The following SP4 variants were observed in gnomAD, a reference collection of about 807,000 sequenced individuals.
The protein encoded by SP4 is transcription factor Sp4.
SP4 carries 19 observed loss-of-function variants against 72.8 expected under a neutral mutation model. The observed-to-expected ratio is 0.26, with a 90% confidence interval of 0.18 to 0.38. The LOEUF is 0.38. SP4 is among the 10% of genes least tolerant of loss of function. The pLI, the probability that SP4 is intolerant of heterozygous loss-of-function variation, is 1.00. For missense variants in SP4, 1,008 were observed against 926.3 expected (o/e 1.09, Z -1.14); for synonymous variants, 395 against 333.1 (o/e 1.19, Z -2.02).
rs781285357 is a variant in SP4 at position 21,430,694 on chromosome 7, T to C, written c.1529T>C (p.Ile510Thr). 2 of 1,614,220 alleles carry C rather than the reference T, an allele frequency of 1.2e-6. No homozygotes were observed. Among genetic ancestry groups the C allele is most frequent in the Non-Finnish European group, 1.7e-6 (2 of 1,180,042 alleles). The change falls in exon 3 of 6, where the codon ATT becomes ACT. Residue 510 changes from isoleucine to threonine, a missense_variant. Physicochemically the swap from Ile to Thr is moderately conservative, Grantham distance 89. Around this residue, in one of 3 missense-constraint regions of SP4, gnomAD observed 893 missense variants for 743.3 expected, o/e 1.20. Transcript: ENST00000222584. ...AGTGGTGGCACAACTCTTGCTCAGA[T>C]TGCTCCTGTGGCTGTTGCTGGTGCC... ...SSSGGTTLAQIAPVAVAGAPI... is the reference protein window; with the variant it reads ...SSSGGTTLAQTAPVAVAGAPI...
intron 3 of SP4, among the ~76,000 whole-genome samples, chr7:21,476,674 T>G (rs1226247412): frequency 1.3e-5 from 2 of 152,236 alleles, no homozygotes; most frequent in Non-Finnish European, 2.9e-5. Flanking sequence ...TGATAAGATA[T>G]GTTGCTTACC....
chr7:21,469,930 C>T (rs189571763), intron 3 of SP4, among the ~76,000 whole-genome samples: 1 of 151,998 alleles, frequency 6.6e-6, no homozygotes. Context: ...TAGCAAATGT[C>T]ATAGGAGAAA....
chr7:21,505,113 A>G (rs1043039360), intron 5 of SP4, among the ~76,000 whole-genome samples: 1 of 152,222 alleles, frequency 6.6e-6, no homozygotes, highest in Non-Finnish European at 1.5e-5. Context: ...CTTGATATAT[A>G]GAGTCTTTGT....
intron 3 of SP4, among the ~76,000 whole-genome samples, chr7:21,436,559 A>G (rs998461355): frequency 7.9e-5 from 12 of 152,188 alleles, no homozygotes; most frequent in African/African-American, 2.9e-4. Context: ...CTGCACTGCT[A>G]CATTAAGTCA....
At chr7:21,488,454 T>C (rs1350304339) in intron 5 of SP4, among the ~76,000 whole-genome samples, 2 of 151,322 alleles carry the variant, frequency 1.3e-5, no homozygotes, top group African/African-American at 4.9e-5. Context: ...GATATAATCA[T>C]TGTTTTGCTG....
intron 3 of SP4, among the ~76,000 whole-genome samples, chr7:21,474,224 C>G (rs1784427833): frequency 6.6e-6 from 1 of 152,040 alleles, no homozygotes; most frequent in Non-Finnish European, 1.5e-5. Context: ...AGTTCTTTAC[C>G]AAAATAAAGG....
At chr7:21,493,540 T>G (rs191751609) in intron 5 of SP4, among the ~76,000 whole-genome samples, 31 of 151,372 alleles carry the variant, frequency 2.0e-4, no homozygotes, top group African/African-American at 5.8e-4. Context: ...TAATAAAGAG[T>G]AGAAATAAAA....
chr7:21,469,623 C>T (rs943783654), intron 3 of SP4, among the ~76,000 whole-genome samples: 1 of 150,492 alleles, frequency 6.6e-6, no homozygotes, highest in African/African-American at 2.5e-5. Flanking sequence ...CTCACTGCAA[C>T]CTCCGCCTCC....
chr7:21,492,575 CTG>C (rs986154023), intron 5 of SP4, among the ~76,000 whole-genome samples: 1 of 152,004 alleles, frequency 6.6e-6, no homozygotes, highest in African/African-American at 2.4e-5. Flanking sequence ...GGATACTTGA[CTG>C]TCATCTGAAA....
intron 3 of SP4, among the ~76,000 whole-genome samples, chr7:21,446,054 A>ATGTG (rs3060612): frequency 1.9e-4 from 28 of 147,764 alleles, no homozygotes; most frequent in East Asian, 1.0e-3. Context: ...GTAGATATAT[A>ATGTG]TGTGTGTGTG....
chr7:21,504,211 G>A (rs2128416659), intron 5 of SP4, among the ~76,000 whole-genome samples: 1 of 152,262 alleles, frequency 6.6e-6, no homozygotes, highest in African/African-American at 2.4e-5. Flanking sequence ...GGCTACCTCT[G>A]CTGGAAGGAG....
At chr7:21,495,308 G>A (rs139031681) in intron 5 of SP4, among the ~76,000 whole-genome samples, 16 of 152,194 alleles carry the variant, frequency 1.1e-4, no homozygotes, top group African/African-American at 3.9e-4. Context: ...AACAGATACA[G>A]ATACAGACTG....
At chr7:21,455,642 C>T (rs940797416) in intron 3 of SP4, among the ~76,000 whole-genome samples, 1 of 152,148 alleles carries the variant, frequency 6.6e-6, no homozygotes, top group African/African-American at 2.4e-5. Flanking sequence ...ACAGGGCCCC[C>T]CAGTTCATCC....
intron 3 of SP4, among the ~76,000 whole-genome samples, chr7:21,460,842 A>G (rs1783945078): frequency 6.6e-6 from 1 of 152,190 alleles, no homozygotes; most frequent in African/African-American, 2.4e-5. Flanking sequence ...ACCTTGAGCT[A>G]GACACAGAGT....
At chr7:21,489,086 A>G (rs1053657869) in intron 5 of SP4, among the ~76,000 whole-genome samples, 1 of 152,040 alleles carries the variant, frequency 6.6e-6, no homozygotes, top group Non-Finnish European at 1.5e-5. Flanking sequence ...GTCTTGTGCA[A>G]CTGCAGTATA....
chr7:21,461,669 G>T (rs531881801), intron 3 of SP4, among the ~76,000 whole-genome samples: 1 of 152,128 alleles, frequency 6.6e-6, no homozygotes, highest in Non-Finnish European at 1.5e-5. Context: ...CTGCAGCCTC[G>T]GCCAGCCCGG....
At position 21,511,953 on chromosome 7, in the gene SP4, C is replaced by T. The variant is rs1433299492; in HGVS notation, c.*684C>T. On this transcript the variant is annotated 3_prime_UTR_variant, in exon 6 of 6. Transcript: ENST00000222584. Reference sequence around the variant, plus strand: ...ACACAAGAGGAACATAGAGTTAAATCTTAGGTTAAATTTTAGGTTGACACC... The same window carrying T: ...ACACAAGAGGAACATAGAGTTAAATTTTAGGTTAAATTTTAGGTTGACACC... 6.6e-6 allele frequency: 1 copy of T among 152,450 alleles called. No homozygotes were observed. Among genetic ancestry groups the T allele is most frequent in the Non-Finnish European group, 1.5e-5 (1 of 67,998 alleles). The allele number at this position is 152,450 out of a possible 1,614,324, so 9.4% of individuals were successfully genotyped here. A position where few individuals can be genotyped will look rare whatever the true frequency, so the allele number is the denominator to read the frequency against.
At chr7:21,474,993 G>GA (rs1222140265) in intron 3 of SP4, among the ~76,000 whole-genome samples, 1 of 152,150 alleles carries the variant, frequency 6.6e-6, no homozygotes, top group Non-Finnish European at 1.5e-5. Context: ...ATTTTGTTTA[G>GA]AAAATGTGTA....
chr7:21,500,707 G>A (rs1403222166), intron 5 of SP4, among the ~76,000 whole-genome samples: 1 of 152,162 alleles, frequency 6.6e-6, no homozygotes, highest in East Asian at 1.9e-4. Flanking sequence ...CAACAGCAGG[G>A]CACGTTTCCC....
Sources: gnomAD v4.1 joint callset for allele counts (sites outside exome capture counted in the v4.1 genomes callset) on GRCh38, gnomAD v4.1.1 for gene constraint, gnomAD v4.1.1 regional missense constraint, MANE v1.5 for transcripts, NCBI Gene and HGNC (gene_info 2026-07-23, HGNC 2026-07-21) for gene names.